PCDHGA4: variants seen among roughly 807,000 people sequenced by gnomAD.
The protein encoded by PCDHGA4 is protocadherin gamma subfamily A, 4.
PCDHGA4 carries 38 observed loss-of-function variants against 54.6 expected under a neutral mutation model. The ratio of observed to expected loss-of-function variants is 0.70; its 90% CI spans 0.54 to 0.91. The LOEUF is 0.91. Among genes scored for constraint, PCDHGA4 ranks in the 40% least tolerant of loss-of-function variants. The probability of loss-of-function intolerance (pLI) is 0.00; values close to 1 mark genes in which losing one functional copy is unlikely to be tolerated. For synonymous variants in PCDHGA4, 511 were observed against 512.9 expected, an observed-to-expected ratio of 1.00 and a Z score of 0.05; for missense variants, 1,298 against 1,220.9, an observed-to-expected ratio of 1.06 and a Z score of -0.94.
intron 1 of PCDHGA4, chr5:141,376,375 T>G (rs896572311): frequency 8.7e-6 from 14 of 1,614,090 alleles, no homozygotes; most frequent in African/African-American, 2.7e-5. Flanking sequence ...CAGACTCGCG[T>G]AAGAGTCATC....
intron 1 of PCDHGA4, among the ~76,000 whole-genome samples, chr5:141,435,286 A>G (rs1179151461): frequency 6.6e-6 from 1 of 152,194 alleles, no homozygotes; most frequent in Non-Finnish European, 1.5e-5. Context: ...CAGTATCCCA[A>G]GTCATTTCAT....
At chr5:141,390,632 A>G in intron 1 of PCDHGA4, 1 of 240,428 alleles carries the variant, frequency 4.2e-6, no homozygotes, top group Admixed American at 5.1e-5. Context: ...ATATATGATG[A>G]ATACTTTTTT....
rs185055424 is a variant in PCDHGA4, at chr5:141,457,894, G to A, written c.2515-36913G>A. Among the ~76,000 whole-genome samples the A allele has an allele frequency of 3.2e-3, 488 of 152,332 alleles. 1 individual carries two copies. Among genetic ancestry groups the A allele is most frequent in the Non-Finnish European group, 5.0e-3 (342 of 68,028 alleles). On this transcript the variant is annotated intron_variant, in intron 1 of 3. Transcript: ENST00000571252. ...GTTAGGAACCCTGTGTGGGGACTGT[G>A]TAGACAAGGTGTGAGGCCAGTTCTC...
rs1340590903 is a variant in PCDHGA4, at chr5:141,432,842, G to A, written c.2515-61965G>A. On this transcript the variant is annotated intron_variant, in intron 1 of 3. Coordinates refer to ENST00000571252, the MANE Select transcript of PCDHGA4 (RefSeq NM_018917.4). This position sits in a 1 kb window ranked among gnomAD's most constrained non-coding sequence, Gnocchi z 6.0. ...CTCAGACCTCACTCTGTACCTGGTG[G>A]TAGCGGTGGCCGCGGTCTCCTGCGT... 5 of 1,614,192 alleles carry A rather than the reference G, an allele frequency of 3.1e-6. No individual in the cohort carries two copies. The South Asian group carries it at 4.4e-5, about 14-fold the overall frequency.
chr5:141,418,506 A>G, intron 1 of PCDHGA4: 1 of 1,613,978 alleles, frequency 6.2e-7, no homozygotes, highest in Non-Finnish European at 8.5e-7. Flanking sequence ...ACCGCCTTAG[A>G]TGGTGGGGAC....
chr5:141,481,436 T>C (rs775003998), intron 1 of PCDHGA4, among the ~76,000 whole-genome samples: 5 of 152,220 alleles, frequency 3.3e-5, no homozygotes, highest in South Asian at 2.1e-4. Flanking sequence ...ATTGTATCAG[T>C]TTAGTACATG....
intron 1 of PCDHGA4, chr5:141,383,125 G>T: frequency 6.2e-7 from 1 of 1,614,062 alleles, no homozygotes. Context: ...GCAGCTTTTC[G>T]CCCTGAACCA....
intron 2 of PCDHGA4, among the ~76,000 whole-genome samples, chr5:141,504,253 G>A (rs1036263329): frequency 6.6e-6 from 1 of 152,100 alleles, no homozygotes; most frequent in Non-Finnish European, 1.5e-5. Context: ...TTCTTCTTAT[G>A]GTTTAGTATT....
chr5:141,433,623 G>A (rs2097635547), intron 1 of PCDHGA4, among the ~76,000 whole-genome samples: 1 of 152,070 alleles, frequency 6.6e-6, no homozygotes, highest in African/African-American at 2.4e-5. Flanking sequence ...ATCACCTGAG[G>A]TTGGGAGTTT....
chr5:141,511,276 T>A lies in PCDHGA4; in HGVS notation c.*103T>A. ...AGAGTTTCAGGGCTAACCCCCAGAA[T>A]ACTGGTAGGGGCCAAGGCCATGCTC... On this transcript the variant is annotated 3_prime_UTR_variant, in exon 4 of 4. Coordinates refer to ENST00000571252, the MANE Select transcript of PCDHGA4 (RefSeq NM_018917.4). 6.5e-7 allele frequency: 1 copy of A among 1,538,086 alleles called. No homozygotes were observed. Among genetic ancestry groups the A allele is most frequent in the Non-Finnish European group, 8.8e-7 (1 of 1,140,722 alleles).
intron 1 of PCDHGA4, among the ~76,000 whole-genome samples, chr5:141,443,034 A>T (rs368996869): frequency 2.0e-5 from 3 of 152,172 alleles, no homozygotes; most frequent in East Asian, 3.8e-4. Context: ...CCAGACCTAA[A>T]CTTTGAAAAT....
chr5:141,372,646 C>T, intron 1 of PCDHGA4: 1 of 1,614,008 alleles, frequency 6.2e-7, no homozygotes, highest in Middle Eastern at 1.6e-4. Context: ...TTGCCTTATT[C>T]CTACAATCCG....
rs758982878 is a variant in PCDHGA4, at chr5:141,366,077, G to A, written c.2514+8456G>A. 1.9e-6 allele frequency: 3 copies of A among 1,614,248 alleles called. No individual in the cohort carries two copies. The South Asian group carries it at 3.3e-5, about 18-fold the overall frequency. ...CGTGGAGCTGGCGCCTCGCTCCGCA[G>A]AACCTGGCTACCTGGTGACCAAGGT... On this transcript the variant is annotated intron_variant, in intron 1 of 3. Coordinates refer to ENST00000571252, the MANE Select transcript of PCDHGA4 (RefSeq NM_018917.4).
chr5:141,383,031 T>C (rs778307271), intron 1 of PCDHGA4: 2 of 1,613,670 alleles, frequency 1.2e-6, no homozygotes, highest in African/African-American at 2.7e-5. Flanking sequence ...AAGGGTCCTT[T>C]GTGGGAGACA....
At chr5:141,424,080 C>T (rs2096798143) in intron 1 of PCDHGA4, 1 of 970,378 alleles carries the variant, frequency 1.0e-6, no homozygotes, top group Admixed American at 6.0e-5. Context: ...AGTTATATTC[C>T]ACCATTATTT....
intron 1 of PCDHGA4, chr5:141,414,700 A>G (rs886960965): frequency 6.2e-7 from 1 of 1,613,994 alleles, no homozygotes. Context: ...GTCCTCATAC[A>G]TATCCATCAA....
intron 1 of PCDHGA4, among the ~76,000 whole-genome samples, chr5:141,381,826 C>CTTTTTTTTTTTTTTTTTTTTTTTT (rs770630741): frequency 4.0e-5 from 3 of 74,284 alleles, no homozygotes; most frequent in African/African-American, 6.2e-5. Context: ...CTTTCTTCTT[C>CTTTTTTTTTTTTTTTTTTTTTTTT]TTTTTTTTTT....
At chr5:141,381,826 CT>C (rs770630741) in intron 1 of PCDHGA4, among the ~76,000 whole-genome samples, 3,016 of 74,262 alleles carry the variant, frequency 0.041, 29 homozygotes, top group African/African-American at 0.078. Flanking sequence ...CTTTCTTCTT[CT>C]TTTTTTTTTT....
rs116716465 is a variant in PCDHGA4, at chr5:141,484,286, C to T, written c.2515-10521C>T. ...GATTCTTTACTGTTTTGAAACATCTCCCTCTCCTGGCTTCCTCCACCCCGC... is the reference window on the plus strand; with the variant it reads ...GATTCTTTACTGTTTTGAAACATCTTCCTCTCCTGGCTTCCTCCACCCCGC... On this transcript the variant is annotated intron_variant, in intron 1 of 3. Coordinates refer to ENST00000571252, the MANE Select transcript of PCDHGA4 (RefSeq NM_018917.4). 8.3e-3 allele frequency among the ~76,000 whole-genome samples: 1,266 copies of T among 152,294 alleles called. 10 individuals carry two copies. The highest frequency in any genetic ancestry group is 0.014 in the Non-Finnish European group (936 of 68,022).
Sources: allele counts gnomAD v4.1 joint callset (sites outside exome capture counted in the v4.1 genomes callset), GRCh38; gene constraint gnomAD v4.1.1; non-coding constraint Gnocchi (gnomAD v3.1); transcripts MANE v1.5; gene names NCBI Gene and HGNC (gene_info 2026-07-23, HGNC 2026-07-21).